SUPT16H: variants seen among roughly 807,000 people sequenced by gnomAD.
The protein encoded by SUPT16H is SPT16 homolog, facilitates chromatin remodeling subunit, also known as FACT complex subunit SPT16.
A neutral mutation model predicts 136.2 loss-of-function variants in SUPT16H; 24 were observed. The observed-to-expected ratio is 0.18, with a 90% confidence interval of 0.13 to 0.25. The LOEUF (loss-of-function observed/expected upper bound fraction) is 0.25, where lower values mean the gene tolerates loss of function less well. SUPT16H is among the 10% of genes least tolerant of loss of function. The pLI, the probability that SUPT16H is intolerant of heterozygous loss-of-function variation, is 1.00. For missense variants in SUPT16H, 623 were observed against 1,270.2 expected (o/e 0.49, Z 7.74); for synonymous variants, 415 against 428.2 (o/e 0.97, Z 0.38).
chr14:21,353,918 G>GT, intron 23 of SUPT16H, 86 bp from the exon 24 acceptor site: 1 of 1,292,542 alleles, frequency 7.7e-7, no homozygotes, highest in Non-Finnish European at 1.0e-6. Context: ...TAGTATACCA[G>GT]TATTTACATG....
In SUPT16H at chr14:21,363,245, T is replaced by A. The variant is rs1266701686; in HGVS notation, c.1383A>T (p.Thr461=). 1 of 1,614,196 alleles carries A rather than the reference T, an allele frequency of 6.2e-7. No individual in the cohort carries two copies. The highest frequency in any genetic ancestry group is 1.1e-5 in the South Asian group (1 of 91,086). ...ATAGTAAACTTACTCTTGTTCTTTC[T>A]GTAAGTAATGCTGCCCGAGAACCTC... is the stretch of plus-strand genomic sequence containing the variant. ...LGRGSRAALL[T]ERTRNEMTAE... The change falls in exon 12 of 26, where the codon ACA becomes ACT. Residue 461 remains threonine, a synonymous_variant. Transcript: ENST00000216297.
chr14:21,366,570 G>C, intron 7 of SUPT16H, 41 bp from the exon 8 acceptor site: 4 of 1,569,576 alleles, frequency 2.5e-6, no homozygotes, highest in Non-Finnish European at 3.5e-6. Context: ...GTATCTTTTA[G>C]GAAAAAAACT....
chr14:21,378,271 T>C (rs1185235240), intron 1 of SUPT16H, among the ~76,000 whole-genome samples: 8 of 152,044 alleles, frequency 5.3e-5, no homozygotes, highest in African/African-American at 9.7e-5. Context: ...AATAGATTTA[T>C]TGGAAAAAAT....
chr14:21,360,680 A>T, intron 17 of SUPT16H, 147 bp from the exon 18 acceptor site: 2 of 1,235,446 alleles, frequency 1.6e-6, no homozygotes, highest in Non-Finnish European at 2.3e-6. Context: ...ACAGCAGTGT[A>T]AGTAGATTCC....
At chr14:21,378,732 A>G (rs1354793780) in intron 1 of SUPT16H, among the ~76,000 whole-genome samples, 4 of 152,230 alleles carry the variant, frequency 2.6e-5, no homozygotes, top group Non-Finnish European at 5.9e-5. Context: ...AGCAGTATAT[A>G]TAGATATTAT....
intron 4 of SUPT16H, among the ~76,000 whole-genome samples, 197 bp downstream of exon 4, chr14:21,370,139 T>TA (rs769792455): frequency 1.3e-5 from 2 of 152,158 alleles, no homozygotes; most frequent in African/African-American, 2.4e-5. Flanking sequence ...AACTGCCCTC[T>TA]AGACGTTTTT....
chr14:21,368,134 G>T, intron 7 of SUPT16H, 135 bp downstream of exon 7: 1 of 853,404 alleles, frequency 1.2e-6, no homozygotes. Context: ...GCCCAGGCTG[G>T]TCTTGAACTC....
At chr14:21,357,529 A>C (rs1251587551) in intron 21 of SUPT16H, among the ~76,000 whole-genome samples, 163 bp from the exon 22 acceptor site, 1 of 152,144 alleles carries the variant, frequency 6.6e-6, no homozygotes, top group East Asian at 1.9e-4. Flanking sequence ...AAGAAGCCAC[A>C]GAAAAAGGAT....
chr14:21,358,271 AAGAC>A, intron 20 of SUPT16H, 40 bp downstream of exon 20: 1 of 1,204,592 alleles, frequency 8.3e-7, no homozygotes, highest in Non-Finnish European at 1.2e-6. Context: ...ATTGTACCAA[AAGAC>A]AGACCAGTCA....
chr14:21,383,931 C>A lies in SUPT16H; in HGVS notation c.-4G>T, dbSNP rs1201299961. The stretch of plus-strand genomic sequence containing the variant: ...CTTTGTCCAGAGTCACAGCCATAGC[C>A]CCGGACGCCGCTTCTCCTCGGGTTC... On this transcript the variant is annotated 5_prime_UTR_variant, in exon 1 of 26. Transcript: ENST00000216297. The A allele has an allele frequency of 1.2e-6, 2 of 1,612,286 alleles. No homozygotes were observed. The highest frequency in any genetic ancestry group is 1.3e-5 in the African/African-American group (1 of 74,878).
At chr14:21,362,655 C>A (rs1886581515) in intron 14 of SUPT16H, 139 bp downstream of exon 14, 1 of 1,014,458 alleles carries the variant, frequency 9.9e-7, no homozygotes, top group African/African-American at 1.6e-5. Context: ...AATGACAAGA[C>A]AAGAGGGATG....
chr14:21,366,579 C>G, intron 7 of SUPT16H, 50 bp from the exon 8 acceptor site: 1 of 1,556,438 alleles, frequency 6.4e-7, no homozygotes, highest in Non-Finnish European at 8.8e-7. Context: ...AGGAAAAAAA[C>G]TCAGTAACAT....
In SUPT16H at chr14:21,373,433, G is replaced by GA. The variant is rs757956336; in HGVS notation, c.67-4dup. 3.1e-6 allele frequency: 5 copies of GA among 1,608,556 alleles called. No individual in the cohort carries two copies. In the African/African-American group the frequency reaches 4.0e-5, roughly 13 times the overall value. On this transcript the variant is annotated splice_polypyrimidine_tract_variant and splice_region_variant and intron_variant, in intron 1 of 25. Coordinates refer to ENST00000216297, the MANE Select transcript of SUPT16H (RefSeq NM_007192.4). ...TTGGCATACTCATCTTCTCCTTTCT[G>GA]AAAAGAGTGGGTAATCATCACTTAA...
intron 3 of SUPT16H, among the ~76,000 whole-genome samples, chr14:21,370,911 G>C (rs961968598): frequency 5.3e-5 from 8 of 152,096 alleles, no homozygotes; most frequent in Admixed American, 2.0e-4. Flanking sequence ...GAGCAGCTGG[G>C]ATTACAGGTG....
In SUPT16H at chr14:21,371,974, G is replaced by A; in HGVS notation, c.230C>T (p.Ala77Val). The change falls in exon 3 of 26, where the codon GCC (alanine) becomes GTC (valine). Residue 77 changes from alanine (A) to valine (V), a missense_variant. Ala to Val is a moderately conservative substitution (Grantham distance 64, BLOSUM62 0). Transcript: ENST00000216297. ...VFCDDKIIFM[A>V]SKKKVEFLKQ... Reference sequence around the variant, plus strand: ...CAAGAACTCCACTTTTTTCTTGCTGGCCATAAAGATGATTTTGTCATCACA... The same window carrying A: ...CAAGAACTCCACTTTTTTCTTGCTGACCATAAAGATGATTTTGTCATCACA... The A allele has an allele frequency of 6.2e-7, 1 of 1,613,896 alleles. No homozygotes were observed. The highest frequency in any genetic ancestry group is 2.2e-5 in the East Asian group (1 of 44,862).
At chr14:21,376,740 A>T (rs1886910442) in intron 1 of SUPT16H, among the ~76,000 whole-genome samples, 1 of 152,204 alleles carries the variant, frequency 6.6e-6, no homozygotes, top group African/African-American at 2.4e-5. Context: ...TCCTTGATGA[A>T]GTAAAAATGA....
At chr14:21,362,111 G>A (rs1048478736) in intron 15 of SUPT16H, 86 bp downstream of exon 15, 3 of 1,480,348 alleles carry the variant, frequency 2.0e-6, no homozygotes, top group Non-Finnish European at 2.7e-6. Context: ...ACTAGGTAGG[G>A]AAAATGTAGC....
At chr14:21,362,713 G>T in intron 14 of SUPT16H, 81 bp downstream of exon 14, 1 of 1,470,370 alleles carries the variant, frequency 6.8e-7, no homozygotes, top group Non-Finnish European at 9.1e-7. Context: ...GAGACATGAT[G>T]AATGCAGATT....
intron 22 of SUPT16H, among the ~76,000 whole-genome samples, chr14:21,356,420 A>C (rs1183706316): frequency 1.3e-5 from 2 of 152,202 alleles, no homozygotes; most frequent in Non-Finnish European, 2.9e-5. Flanking sequence ...GCAGACTCTG[A>C]AGAGTATTGC....
Sources: gnomAD v4.1 joint callset for allele counts (sites outside exome capture counted in the v4.1 genomes callset) on GRCh38, gnomAD v4.1.1 for gene constraint, MANE v1.5 for transcripts, NCBI Gene and HGNC (gene_info 2026-07-23, HGNC 2026-07-21) for gene names.